GPC5: variants seen among roughly 807,000 people sequenced by gnomAD.
GPC5 encodes glypican 5, also known as glypican-5.
A neutral mutation model predicts 53.9 loss-of-function variants in GPC5; 47 were observed. That is an observed-to-expected ratio of 0.87 (90% CI 0.69 to 1.11). GPC5 has a LOEUF of 1.11. Among genes scored for constraint, GPC5 ranks in the 50% most tolerant of loss-of-function variants. The probability of loss-of-function intolerance (pLI) is 0.00; values close to 1 mark genes in which losing one functional copy is unlikely to be tolerated. For missense variants in GPC5, 748 were observed against 713.1 expected, an observed-to-expected ratio of 1.05 and a Z score of -0.56; for synonymous variants, 286 against 263.3, an observed-to-expected ratio of 1.09 and a Z score of -0.84.
chr13:92,150,985 C>T (rs1170566061), intron 7 of GPC5, among the ~76,000 whole-genome samples: 1 of 151,740 alleles, frequency 6.6e-6, no homozygotes, highest in Non-Finnish European at 1.5e-5. Flanking sequence ...AGAAACAAAC[C>T]CATTCTTATC....
intron 7 of GPC5, among the ~76,000 whole-genome samples, chr13:92,854,204 A>T (rs1878909682): frequency 6.8e-6 from 1 of 148,132 alleles, no homozygotes; most frequent in South Asian, 2.1e-4. Context: ...TGGTATAGAG[A>T]TATATATATT....
At position 92,662,845 on chromosome 13, in the gene GPC5, A is replaced by G. The variant is rs566886420; in HGVS notation, c.1562-203437A>G. The stretch of plus-strand genomic sequence containing the variant: ...TCCTTGGGCTTTGCATGGCAATCAC[A>G]CTCTTGCCTGACTTCCTTCTCTTCC... On this transcript the variant is annotated intron_variant, in intron 7 of 7. Coordinates refer to ENST00000377067, the MANE Select transcript of GPC5 (RefSeq NM_004466.6). 2.6e-5 allele frequency among the ~76,000 whole-genome samples: 4 copies of G among 152,100 alleles called. No homozygotes were observed. In the South Asian group the frequency reaches 8.3e-4, roughly 32 times the overall value.
chr13:92,728,082 A>C (rs1888693142), intron 7 of GPC5, among the ~76,000 whole-genome samples: 1 of 151,612 alleles, frequency 6.6e-6, no homozygotes, highest in South Asian at 2.1e-4. Flanking sequence ...GTTTCTAAGA[A>C]AGTACCATAG....
intron 5 of GPC5, among the ~76,000 whole-genome samples, chr13:91,903,722 T>C (rs765384957): frequency 6.6e-5 from 10 of 152,144 alleles, no homozygotes; most frequent in Non-Finnish European, 7.4e-5. Context: ...TTCAATAATA[T>C]AACAGCTTGG....
chr13:92,255,338 A>G (rs1487456656), intron 7 of GPC5, among the ~76,000 whole-genome samples: 1 of 152,172 alleles, frequency 6.6e-6, no homozygotes, highest in Non-Finnish European at 1.5e-5. Context: ...CTGTCTCAAC[A>G]TAAAACAACA....
intron 6 of GPC5, among the ~76,000 whole-genome samples, chr13:92,132,468 T>G (rs182524303): frequency 1.3e-5 from 2 of 152,198 alleles, no homozygotes; most frequent in African/African-American, 4.8e-5. Context: ...CAGAAGGATA[T>G]GAGGGAGGCT....
At chr13:92,648,940 G>A (rs1885859768) in intron 7 of GPC5, among the ~76,000 whole-genome samples, 1 of 152,068 alleles carries the variant, frequency 6.6e-6, no homozygotes, top group Admixed American at 6.6e-5. Flanking sequence ...TTATTCATCA[G>A]GCAAGAGGAT....
chr13:92,162,566 G>A (rs1011988258), intron 7 of GPC5, among the ~76,000 whole-genome samples: 1 of 152,106 alleles, frequency 6.6e-6, no homozygotes, highest in Non-Finnish European at 1.5e-5. Context: ...GATAACCAGG[G>A]GAGCAATCAC....
At chr13:92,449,673 A>G (rs2139397003) in intron 7 of GPC5, among the ~76,000 whole-genome samples, 1 of 152,312 alleles carries the variant, frequency 6.6e-6, no homozygotes, top group South Asian at 2.1e-4. Flanking sequence ...GCAAAATGCC[A>G]CCAGTTTATA....
intron 7 of GPC5, among the ~76,000 whole-genome samples, chr13:92,482,449 C>G (rs1277959372): frequency 2.6e-5 from 4 of 152,118 alleles, no homozygotes; most frequent in Non-Finnish European, 2.9e-5. Flanking sequence ...ACTACCTAAC[C>G]ACTTCTTGTT....
At chr13:92,147,814 T>C (rs540412681) in intron 7 of GPC5, among the ~76,000 whole-genome samples, 69 of 152,200 alleles carry the variant, frequency 4.5e-4, no homozygotes, top group African/African-American at 1.5e-3. Context: ...AGAAAACCAC[T>C]GCGGGATAGC....
intron 6 of GPC5, among the ~76,000 whole-genome samples, chr13:92,059,238 ATGCAGCACAC>A (rs1566417127): frequency 6.6e-6 from 1 of 151,454 alleles, no homozygotes; most frequent in African/African-American, 2.5e-5. Flanking sequence ...AGTCTCAACA[ATGCAGCACAC>A]ATCTGGAGGG....
chr13:92,615,893 A>G (rs113255744), intron 7 of GPC5, among the ~76,000 whole-genome samples: 4,147 of 152,202 alleles, frequency 0.027, 198 homozygotes, highest in African/African-American at 0.095. Flanking sequence ...CTCTACTAAA[A>G]GTACAAAAAA....
At chr13:92,677,706 G>C (rs1340861511) in intron 7 of GPC5, among the ~76,000 whole-genome samples, 1 of 152,164 alleles carries the variant, frequency 6.6e-6, no homozygotes. Context: ...TCTGCGTCCT[G>C]GCTCAGGAGG....
chr13:91,820,505 G>A (rs1594593755), intron 5 of GPC5, among the ~76,000 whole-genome samples: 4 of 152,154 alleles, frequency 2.6e-5, no homozygotes, highest in African/African-American at 9.6e-5. Flanking sequence ...TCTGCAGTGC[G>A]AAGTATCTAA....
intron 7 of GPC5, among the ~76,000 whole-genome samples, chr13:92,195,603 C>A (rs1221928058): frequency 6.6e-6 from 1 of 151,984 alleles, no homozygotes; most frequent in South Asian, 2.1e-4. Flanking sequence ...GGTCAGTAGC[C>A]ATGGTGAAGT....
At chr13:91,473,863 TAG>T (rs1007760837) in intron 2 of GPC5, among the ~76,000 whole-genome samples, 4 of 152,220 alleles carry the variant, frequency 2.6e-5, no homozygotes, top group African/African-American at 9.6e-5. Flanking sequence ...ATCAATTTTA[TAG>T]AGTCTGTATA....
intron 7 of GPC5, among the ~76,000 whole-genome samples, chr13:92,761,338 A>C (rs190945468): frequency 7.6e-4 from 115 of 152,232 alleles, no homozygotes; most frequent in African/African-American, 2.5e-3. Context: ...TGGCTCCATT[A>C]ATTTTTGCTT....
At chr13:92,227,289 C>A (rs2042494522) in intron 7 of GPC5, among the ~76,000 whole-genome samples, 1 of 152,232 alleles carries the variant, frequency 6.6e-6, no homozygotes, top group Non-Finnish European at 1.5e-5. Context: ...CTGCAGCCAG[C>A]CATTGAAAAA....
Sources: gnomAD v4.1 joint callset for allele counts (sites outside exome capture counted in the v4.1 genomes callset) on GRCh38, gnomAD v4.1.1 for gene constraint, MANE v1.5 for transcripts, NCBI Gene and HGNC (gene_info 2026-07-23, HGNC 2026-07-21) for gene names.